Variants in AGTR1 observed in about 807,000 individuals in gnomAD.
AGTR1 encodes the protein angiotensin II receptor type 1.
In AGTR1, 16 loss-of-function variants were observed where a neutral mutation model predicts 19.4. That is an observed-to-expected ratio of 0.82 (90% confidence interval 0.56 to 1.25). The LOEUF (loss-of-function observed/expected upper bound fraction) is 1.25. Among genes scored for constraint, AGTR1 ranks in the 50% most tolerant of loss-of-function variants. The pLI is 0.00. For missense variants in AGTR1, 373 were observed against 431.9 expected (o/e 0.86, Z 1.21); for synonymous variants, 153 against 154.9 (o/e 0.99, Z 0.09).
At chr3:148,739,129 C>T (rs546855515) in intron 2 of AGTR1, among the ~76,000 whole-genome samples, 15 of 152,274 alleles carry the variant, frequency 9.9e-5, no homozygotes, top group Non-Finnish European at 2.1e-4. Context: ...GAGGCCAAGG[C>T]GGGTGGATCA....
intron 2 of AGTR1, among the ~76,000 whole-genome samples, chr3:148,737,962 G>A (rs1267323433): frequency 6.6e-6 from 1 of 152,122 alleles, no homozygotes; most frequent in African/African-American, 2.4e-5. Flanking sequence ...TGAAAAAAAG[G>A]CTGATAGCTT....
chr3:148,715,274 T>C (rs1713231621), intron 2 of AGTR1, among the ~76,000 whole-genome samples: 1 of 152,212 alleles, frequency 6.6e-6, no homozygotes. Flanking sequence ...CTTTAAGATT[T>C]CCTAATGAGG....
chr3:148,734,933 C>T (rs1337842035), intron 2 of AGTR1, among the ~76,000 whole-genome samples: 1 of 152,184 alleles, frequency 6.6e-6, no homozygotes, highest in Non-Finnish European at 1.5e-5. Context: ...GTAGGGCAAC[C>T]TCAGTAGAGA....
chr3:148,722,508 A>G (rs1158071462), intron 2 of AGTR1, among the ~76,000 whole-genome samples: 1 of 152,136 alleles, frequency 6.6e-6, no homozygotes, highest in Non-Finnish European at 1.5e-5. Flanking sequence ...ATCCTTTCTT[A>G]ATGCTGAACT....
At chr3:148,735,244 T>A (rs1714510027) in intron 2 of AGTR1, among the ~76,000 whole-genome samples, 1 of 152,184 alleles carries the variant, frequency 6.6e-6, no homozygotes, top group African/African-American at 2.4e-5. Context: ...AGTGGTATAG[T>A]TACTAATCTA....
chr3:148,713,706 A>C (rs1713132612), intron 2 of AGTR1, among the ~76,000 whole-genome samples: 1 of 152,144 alleles, frequency 6.6e-6, no homozygotes, highest in African/African-American at 2.4e-5. Context: ...TGACTTAGAA[A>C]ATGTCCTTGT....
At chr3:148,717,418 C>G (rs953384337) in intron 2 of AGTR1, among the ~76,000 whole-genome samples, 1 of 152,120 alleles carries the variant, frequency 6.6e-6, no homozygotes, top group Non-Finnish European at 1.5e-5. Flanking sequence ...GGAGTAATTC[C>G]GACACCTAGG....
chr3:148,736,160 A>G (rs772534045), intron 2 of AGTR1, among the ~76,000 whole-genome samples: 1 of 152,230 alleles, frequency 6.6e-6, no homozygotes, highest in Non-Finnish European at 1.5e-5. Context: ...TTAGAATAAA[A>G]AAAGGAAAGA....
chr3:148,732,006 T>A (rs1160392431), intron 2 of AGTR1, among the ~76,000 whole-genome samples: 1 of 152,234 alleles, frequency 6.6e-6, no homozygotes, highest in Non-Finnish European at 1.5e-5. Flanking sequence ...TGCCCTCACC[T>A]CTGTGTTTTT....
chr3:148,737,621 A>G (rs1362556088), intron 2 of AGTR1, among the ~76,000 whole-genome samples: 1 of 152,144 alleles, frequency 6.6e-6, no homozygotes, highest in African/African-American at 2.4e-5. Flanking sequence ...TGAATATGTG[A>G]TGAGTTGGTG....
intron 2 of AGTR1, among the ~76,000 whole-genome samples, chr3:148,719,383 C>G (rs1713482149): frequency 6.6e-6 from 1 of 152,182 alleles, no homozygotes; most frequent in African/African-American, 2.4e-5. Context: ...AGCAAAAACT[C>G]TCTGGCCAAA....
intron 2 of AGTR1, among the ~76,000 whole-genome samples, chr3:148,721,986 A>G (rs958452341): frequency 1.3e-5 from 2 of 152,196 alleles, no homozygotes; most frequent in Middle Eastern, 3.2e-3. Flanking sequence ...CTGCTCTGGT[A>G]CCACCTAAGA....
At chr3:148,731,215 A>G (rs1714236081) in intron 2 of AGTR1, 1 of 152,168 alleles carries the variant, frequency 6.6e-6, no homozygotes, top group Non-Finnish European at 1.5e-5. Flanking sequence ...ACCAGAAAAT[A>G]GAGGGGTGTA....
At chr3:148,737,596 A>G (rs571331847) in intron 2 of AGTR1, among the ~76,000 whole-genome samples, 1 of 152,146 alleles carries the variant, frequency 6.6e-6, no homozygotes, top group African/African-American at 2.4e-5. Context: ...ACACCCACAC[A>G]TGGTAGGTGT....
chr3:148,711,239 T>C (rs1712967861), intron 2 of AGTR1, among the ~76,000 whole-genome samples: 2 of 152,194 alleles, frequency 1.3e-5, no homozygotes, highest in African/African-American at 2.4e-5. Context: ...TCAGTTACTT[T>C]CCAGTCACTT....
intron 1 of AGTR1, among the ~76,000 whole-genome samples, chr3:148,701,299 T>C (rs2107923103): frequency 6.6e-6 from 1 of 152,314 alleles, no homozygotes; most frequent in South Asian, 2.1e-4. Context: ...GGAACAGTCA[T>C]AAAAGGACTA....
chr3:148,741,602 A>G lies in AGTR1; in HGVS notation c.567A>G (p.Ser189=), dbSNP rs1714893492. ...CTTTCCATTATGAGTCCCAAAATTC[A>G]ACCCTCCCGATAGGGCTGGGCCTGA... is the stretch of plus-strand genomic sequence containing the variant. ...VCAFHYESQN[S]TLPIGLGLTK... is the part of the protein sequence containing the mutation. Residue 189 remains serine (S), a synonymous_variant, in exon 3 of 3, where the codon TCA becomes TCG. Transcript: ENST00000349243. The G allele has an allele frequency of 1.9e-6, 3 of 1,614,092 alleles. No homozygotes were observed. The highest frequency in any genetic ancestry group is 2.7e-5 in the African/African-American group (2 of 75,016).
chr3:148,729,508 A>G (rs1045439699), intron 2 of AGTR1, among the ~76,000 whole-genome samples: 1 of 152,176 alleles, frequency 6.6e-6, no homozygotes, highest in Non-Finnish European at 1.5e-5. Flanking sequence ...CTGGGAATAT[A>G]TTTTAATTTC....
At chr3:148,722,188 GA>G (rs12695890) in intron 2 of AGTR1, among the ~76,000 whole-genome samples, 130 of 151,950 alleles carry the variant, frequency 8.6e-4, no homozygotes, top group African/African-American at 2.8e-3. Flanking sequence ...CCCATAAAAA[GA>G]AAAAAATGAA....
Sources: gnomAD v4.1 joint callset for allele counts (sites outside exome capture counted in the v4.1 genomes callset) on GRCh38, gnomAD v4.1.1 for gene constraint, MANE v1.5 for transcripts, NCBI Gene and HGNC (gene_info 2026-07-23, HGNC 2026-07-21) for gene names.